Variants in HIVEP1 observed in about 807,000 individuals in gnomAD.
HIVEP1 encodes the protein HIVEP zinc finger 1, also known as zinc finger protein 40.
Under a neutral mutation model 180.0 loss-of-function variants are expected in HIVEP1, and 36 were observed. That is an observed-to-expected ratio of 0.20 (90% CI 0.15 to 0.26). The LOEUF (loss-of-function observed/expected upper bound fraction) is 0.26. HIVEP1 is among the 10% of genes least tolerant of loss of function. The pLI, the probability that HIVEP1 is intolerant of heterozygous loss-of-function variation, is 1.00. For synonymous variants in HIVEP1, 1,239 were observed against 1,239.0 expected, an observed-to-expected ratio of 1.00 and a Z score of 0.00; for missense variants, 3,143 against 3,268.7, an observed-to-expected ratio of 0.96 and a Z score of 0.94.
chr6:12,118,432 A>G (rs192667650), intron 3 of HIVEP1, among the ~76,000 whole-genome samples: 10 of 152,350 alleles, frequency 6.6e-5, no homozygotes, highest in East Asian at 3.9e-4. Context: ...ATGCCCAACA[A>G]TCCAACAAAT....
chr6:12,033,840 A>G (rs1331315401), intron 2 of HIVEP1, among the ~76,000 whole-genome samples: 1 of 152,146 alleles, frequency 6.6e-6, no homozygotes, highest in East Asian at 1.9e-4. Flanking sequence ...TTTGTTGTGG[A>G]TAGTGTGTTC....
At chr6:12,196,956 G>A in the HIVEP1 span, among the ~76,000 whole-genome samples, 5 of 152,168 alleles carry the variant, frequency 3.3e-5, no homozygotes, top group South Asian at 2.1e-4. Flanking sequence ...AATAAAAAAT[G>A]TATAAAGACA....
At chr6:12,078,704 A>G (rs896904956) in intron 2 of HIVEP1, among the ~76,000 whole-genome samples, 8 of 151,276 alleles carry the variant, frequency 5.3e-5, no homozygotes, top group African/African-American at 1.9e-4. Context: ...AAACATATAT[A>G]TAAACACACA....
chr6:12,017,549 C>CAG (rs1554130736), intron 2 of HIVEP1, among the ~76,000 whole-genome samples: 8 of 152,196 alleles, frequency 5.3e-5, no homozygotes, highest in African/African-American at 1.7e-4. Flanking sequence ...CTGCTGCCTC[C>CAG]GGCAGCCTGC....
the HIVEP1 span, among the ~76,000 whole-genome samples, chr6:12,185,799 T>C: frequency 2.6e-5 from 4 of 152,316 alleles, no homozygotes; most frequent in East Asian, 7.7e-4. Context: ...ATACCAAGTG[T>C]TGGCAAGGAT....
At chr6:12,182,410 A>G in the HIVEP1 span, among the ~76,000 whole-genome samples, 3 of 152,344 alleles carry the variant, frequency 2.0e-5, no homozygotes, top group South Asian at 6.2e-4. Flanking sequence ...AATAACAGGC[A>G]TATTGATCAT....
At chr6:12,059,950 A>G (rs769147324) in intron 2 of HIVEP1, among the ~76,000 whole-genome samples, 10 of 152,218 alleles carry the variant, frequency 6.6e-5, no homozygotes, top group Non-Finnish European at 1.5e-4. Flanking sequence ...ACATGTATAC[A>G]TATATATGTA....
chr6:12,024,249 ATTTT>A (rs201215779), intron 2 of HIVEP1, among the ~76,000 whole-genome samples: 1 of 134,864 alleles, frequency 7.4e-6, no homozygotes, highest in Admixed American at 7.4e-5. Flanking sequence ...ATTGATTTTG[ATTTT>A]TTTTTTTTTT....
chr6:12,196,461 C>T, the HIVEP1 span, among the ~76,000 whole-genome samples: 1 of 152,186 alleles, frequency 6.6e-6, no homozygotes, highest in Admixed American at 6.5e-5. Context: ...TAGGCATTCT[C>T]GTTGGCATGC....
intron 1 of HIVEP1, 87 bp from the exon 2 acceptor site, chr6:12,015,439 G>A: frequency 3.8e-6 from 2 of 521,074 alleles, no homozygotes; most frequent in South Asian, 5.6e-5. Flanking sequence ...TTGAGTTTAG[G>A]TTAGTGCTCT....
At chr6:12,139,859 C>T (rs1234272993) in intron 7 of HIVEP1, among the ~76,000 whole-genome samples, 2 of 152,204 alleles carry the variant, frequency 1.3e-5, no homozygotes, top group Admixed American at 6.5e-5. Flanking sequence ...CAGAGCCCAC[C>T]GCAGCTCAGC....
At chr6:12,011,265 T>TGGG (rs1324959428), upstream of HIVEP1, among the ~76,000 whole-genome samples, 3 of 121,804 alleles carry the variant, frequency 2.5e-5, no homozygotes, top group African/African-American at 9.5e-5. Flanking sequence ...GAAACCCCCT[T>TGGG]GGGGTCCCCC....
intron 2 of HIVEP1, among the ~76,000 whole-genome samples, chr6:12,037,286 C>G (rs962330509): frequency 6.6e-6 from 1 of 152,176 alleles, no homozygotes; most frequent in African/African-American, 2.4e-5. Flanking sequence ...ATGCCACATT[C>G]TCATAATTTT....
intron 4 of HIVEP1, among the ~76,000 whole-genome samples, chr6:12,127,152 C>T (rs9369102): frequency 0.23 from 35,076 of 151,464 alleles, 4,691 homozygotes; most frequent in East Asian, 0.56. Context: ...TGAGCCACCG[C>T]GCCCAGCAAG....
the HIVEP1 span, among the ~76,000 whole-genome samples, chr6:12,206,105 T>C: frequency 6.6e-6 from 1 of 152,114 alleles, no homozygotes; most frequent in Admixed American, 6.6e-5. Flanking sequence ...CTGGTGTCCT[T>C]GTACAAAGAG....
intron 3 of HIVEP1, among the ~76,000 whole-genome samples, chr6:12,107,521 G>T (rs1160427467): frequency 1.3e-5 from 2 of 152,180 alleles, no homozygotes; most frequent in African/African-American, 4.8e-5. Context: ...TGAAGCTGCG[G>T]ACCCTCACGG....
intron 2 of HIVEP1, among the ~76,000 whole-genome samples, chr6:12,020,615 A>G (rs1768123144): frequency 6.6e-6 from 1 of 151,924 alleles, no homozygotes; most frequent in African/African-American, 2.4e-5. Context: ...GTGTTTTGCC[A>G]CTCATTCTTG....
chr6:12,092,611 TG>T (rs932213749), intron 3 of HIVEP1, among the ~76,000 whole-genome samples: 5 of 152,194 alleles, frequency 3.3e-5, no homozygotes, highest in Non-Finnish European at 7.4e-5. Context: ...GAGTTTTTTT[TG>T]GGGAAACTTT....
chr6:12,010,363 T>C (rs1015333944), upstream of HIVEP1, among the ~76,000 whole-genome samples: 1 of 152,244 alleles, frequency 6.6e-6, no homozygotes, highest in African/African-American at 2.4e-5. Flanking sequence ...TTACTGAGTA[T>C]TCCATTTTTA....
Sources: allele counts gnomAD v4.1 joint callset (sites outside exome capture counted in the v4.1 genomes callset), GRCh38; gene constraint gnomAD v4.1.1; transcripts MANE v1.5; gene names NCBI Gene and HGNC (gene_info 2026-07-23, HGNC 2026-07-21).